Variants in SYNJ1 observed in about 807,000 individuals in gnomAD.
The protein encoded by SYNJ1 is polyphosphatidylinositol phosphatase SYNJ1.
A neutral mutation model predicts 168.2 loss-of-function variants in SYNJ1; 78 were observed. The ratio of observed to expected loss-of-function variants is 0.46; its 90% CI spans 0.39 to 0.56. SYNJ1 has a LOEUF of 0.56. SYNJ1 is among the 20% of genes least tolerant of loss of function. The probability of loss-of-function intolerance (pLI) is 0.00; values close to 1 mark genes in which losing one functional copy is unlikely to be tolerated. For synonymous variants in SYNJ1, 539 were observed against 548.6 expected (o/e 0.98, Z 0.24); for missense variants, 1,303 against 1,597.6 (o/e 0.82, Z 3.14).
chr21:32,684,957 A>G (rs2041769012), intron 9 of SYNJ1, among the ~76,000 whole-genome samples: 1 of 151,996 alleles, frequency 6.6e-6, no homozygotes, highest in Admixed American at 6.5e-5. Context: ...AGGCGGGTGG[A>G]TCACGAGGTC....
chr21:32,651,682 A>G (rs1414739149), intron 22 of SYNJ1, among the ~76,000 whole-genome samples: 1 of 152,202 alleles, frequency 6.6e-6, no homozygotes, highest in Non-Finnish European at 1.5e-5. Context: ...CTTGGTAGAG[A>G]CCAGGGCCAA....
At chr21:32,668,700 G>C (rs1192193030) in intron 15 of SYNJ1, among the ~76,000 whole-genome samples, 1 of 152,118 alleles carries the variant, frequency 6.6e-6, no homozygotes, top group Non-Finnish European at 1.5e-5. Flanking sequence ...AGCATACTTT[G>C]TTAAAATAAA....
In SYNJ1 at chr21:32,657,724, T is replaced by C. The variant is rs1204628755; in HGVS notation, c.2453A>G (p.Asp818Gly). The C allele has an allele frequency of 1.2e-6, 2 of 1,600,820 alleles. No homozygotes were observed. The highest frequency in any genetic ancestry group is 1.4e-5 in the African/African-American group (1 of 74,030). The change falls in exon 19 of 33, where the codon GAT (aspartate) becomes GGT (glycine). Residue 818 changes from aspartate (D) to glycine (G), a missense_variant. Physicochemically the swap from Asp to Gly is moderately conservative, Grantham distance 94. Around this residue, in one of 2 missense-constraint regions of SYNJ1, gnomAD observed 920 missense variants for 1,208.8 expected, o/e 0.76. Coordinates refer to ENST00000674351, the MANE Select transcript of SYNJ1 (RefSeq NM_203446.3). ...VLWRRRKWPFDRSAEDLDLLN... is the reference protein window; with the variant it reads ...VLWRRRKWPFGRSAEDLDLLN... ...GAAGCCCATTTCCCAACCTGATCTA[T>C]CAAAAGGCCATTTCCTCCTTCTCCA...
In SYNJ1 at chr21:32,636,801, G is replaced by T. The variant is rs2039586037; in HGVS notation, c.3916-1917C>A. 2.0e-5 allele frequency among the ~76,000 whole-genome samples: 3 copies of T among 151,898 alleles called. No homozygotes were observed. The South Asian group carries it at 6.2e-4, about 32-fold the overall frequency. ...ATGTAAACAAGACCCCACCCTCCAA[G>T]AAAGAAAAGTGTGTCTGTGTATCTA... On this transcript the variant is annotated intron_variant, in intron 31 of 32. Coordinates refer to ENST00000674351, the MANE Select transcript of SYNJ1 (RefSeq NM_203446.3).
chr21:32,641,756 C>G, intron 29 of SYNJ1, 140 bp downstream of exon 29: 1 of 569,870 alleles, frequency 1.8e-6, no homozygotes, highest in South Asian at 2.7e-5. Flanking sequence ...GGAAGATCAT[C>G]AAGTGCAATT....
intron 14 of SYNJ1, among the ~76,000 whole-genome samples, chr21:32,671,493 C>G (rs1381812070): frequency 6.6e-6 from 1 of 152,198 alleles, no homozygotes; most frequent in Non-Finnish European, 1.5e-5. Context: ...CCCAAGTTCA[C>G]ACATAAAATG....
Position 32,639,740 on chromosome 21 carries a change from T to G in SYNJ1, c.3628A>C (p.Ser1210Arg). ...CTTCCAGCAGATGCCCGCGCGTGGCTCTGTGGGGCACTGATAACTCCAGCA... is the reference window on the plus strand; with the variant it reads ...CTTCCAGCAGATGCCCGCGCGTGGCGCTGTGGGGCACTGATAACTCCAGCA... ...PRAGVISAPQ[S>R]HARASAGRLT... Residue 1210 changes from serine to arginine, a missense_variant, in exon 30 of 33, where the codon AGC becomes CGC. This residue lies in a region of SYNJ1 where 383 missense variants were observed against 388.8 expected (regional missense o/e 0.99). Transcript: ENST00000674351. The G allele has an allele frequency of 6.2e-7, 1 of 1,614,176 alleles. No homozygotes were observed.
At chr21:32,641,133 T>C (rs1040055614) in intron 29 of SYNJ1, among the ~76,000 whole-genome samples, 5 of 152,226 alleles carry the variant, frequency 3.3e-5, no homozygotes, top group African/African-American at 1.2e-4. Context: ...AGTGGTTTCC[T>C]CAGTTCTCAC....
At chr21:32,712,306 A>C (rs929765317) in intron 2 of SYNJ1, among the ~76,000 whole-genome samples, 4 of 152,212 alleles carry the variant, frequency 2.6e-5, no homozygotes, top group Admixed American at 6.5e-5. Context: ...GATCCTAGAG[A>C]TCATGTAATC....
chr21:32,646,398 GC>G lies in SYNJ1; in HGVS notation c.3241del (p.Ala1081HisfsTer73). On this transcript the variant is annotated frameshift_variant, in exon 24 of 33. Transcript: ENST00000674351. LOFTEE classifies it high-confidence loss of function. ...CTTTCAAATAAAATGCATACTCTGTGCACTGGGAGGCCCAGGAGTTCTTGAC... is the reference window on the plus strand; with the variant it reads ...CTTTCAAATAAAATGCATACTCTGTGACTGGGAGGCCCAGGAGTTCTTGAC... ...APSRTPGPPSAQSSPIDAQPA... is the reference protein window; with the variant it reads ...APSRTPGPPSXQSSPIDAQPA... The G allele has an allele frequency of 6.2e-7, 1 of 1,614,004 alleles. No homozygotes were observed. Among genetic ancestry groups the G allele is most frequent in the African/African-American group, 1.3e-5 (1 of 75,048 alleles).
rs528399511 is a variant in SYNJ1 at position 32,652,880 on chromosome 21, A to G, written c.2874+408T>C. ...GAAGATAACTAGGTAAGCCAAGCCA[A>G]TGAAACAAATTCCTAGGAATAATGA... On this transcript the variant is annotated intron_variant, in intron 22 of 32. Transcript: ENST00000674351. Among the ~76,000 whole-genome samples the G allele has an allele frequency of 2.0e-5, 3 of 152,340 alleles. No homozygotes were observed. In the East Asian group the frequency reaches 5.8e-4, roughly 29 times the overall value.
At chr21:32,684,445 A>C (rs1440172826) in intron 9 of SYNJ1, among the ~76,000 whole-genome samples, 2 of 152,238 alleles carry the variant, frequency 1.3e-5, no homozygotes, top group African/African-American at 4.8e-5. Context: ...ATATTTATAG[A>C]ACAAAATTTT....
chr21:32,685,941 C>A (rs775338381), intron 8 of SYNJ1, 24 bp from the exon 9 acceptor site: 6 of 1,592,950 alleles, frequency 3.8e-6, no homozygotes, highest in African/African-American at 1.4e-5. Context: ...GGCAAATATT[C>A]ATCTAAATGA....
rs779886086 is a variant in SYNJ1 at position 32,634,900 on chromosome 21, C to G, written c.3916-16G>C. ...GTTGCTCCTGCTTTGAGAAAGGAAA[C>G]AGACATCAAAGGAAAGAGTTAGGAG... On this transcript the variant is annotated splice_polypyrimidine_tract_variant and intron_variant, in intron 31 of 32. Coordinates refer to ENST00000674351, the MANE Select transcript of SYNJ1 (RefSeq NM_203446.3). 3 of 1,613,544 alleles carry G rather than the reference C, an allele frequency of 1.9e-6. No individual in the cohort carries two copies. Among genetic ancestry groups the G allele is most frequent in the Non-Finnish European group, 2.5e-6 (3 of 1,179,804 alleles).
At chr21:32,717,044 C>T (rs2043048514) in intron 2 of SYNJ1, among the ~76,000 whole-genome samples, 1 of 152,088 alleles carries the variant, frequency 6.6e-6, no homozygotes, top group African/African-American at 2.4e-5. Context: ...ACTGCAACCT[C>T]CAACTCCTGG....
At chr21:32,701,626 G>A (rs2042405118) in intron 3 of SYNJ1, among the ~76,000 whole-genome samples, 1 of 150,418 alleles carries the variant, frequency 6.6e-6, no homozygotes, top group Admixed American at 6.6e-5. Flanking sequence ...AAAAATCAGT[G>A]TAGTTCTCAT....
chr21:32,666,604 T>A lies in SYNJ1; in HGVS notation c.1812-31A>T, dbSNP rs544256911. 7.0e-5 allele frequency: 112 copies of A among 1,597,724 alleles called. 2 individuals are homozygous for A. In the South Asian group the frequency reaches 9.7e-4, roughly 14 times the overall value. The stretch of plus-strand genomic sequence containing the variant: ...AGAAAATATTAAAAAGAGAATTTTT[T>A]AAAAAGGTATTGACAATAGCCTATT... On this transcript the variant is annotated intron_variant, in intron 15 of 32. Transcript: ENST00000674351.
At chr21:32,644,455 T>C (rs2039979318) in intron 26 of SYNJ1, among the ~76,000 whole-genome samples, 1 of 152,232 alleles carries the variant, frequency 6.6e-6, no homozygotes, top group South Asian at 2.1e-4. Flanking sequence ...TGAAAACTCA[T>C]CTCATCTTTT....
chr21:32,662,711 T>C (rs980365340), intron 18 of SYNJ1, among the ~76,000 whole-genome samples: 1 of 152,172 alleles, frequency 6.6e-6, no homozygotes, highest in Admixed American at 6.5e-5. Context: ...ATAAGTATAT[T>C]TGTCATGAAT....
Sources: allele counts gnomAD v4.1 joint callset (sites outside exome capture counted in the v4.1 genomes callset), GRCh38; gene constraint gnomAD v4.1.1; regional missense constraint gnomAD v4.1.1; transcripts MANE v1.5; gene names NCBI Gene and HGNC (gene_info 2026-07-23, HGNC 2026-07-21).